The following TBC1D8 variants were observed in gnomAD, a reference collection of about 807,000 sequenced individuals.
TBC1D8 encodes the protein BUB2-like protein 1.
Under a neutral mutation model 118.8 loss-of-function variants are expected in TBC1D8, and 65 were observed. The ratio of observed to expected loss-of-function variants is 0.55; its 90% CI spans 0.45 to 0.67. The LOEUF is 0.67. Among genes scored for constraint, TBC1D8 ranks in the 30% least tolerant of loss-of-function variants. The probability of loss-of-function intolerance (pLI) is 0.00; values close to 1 mark genes in which losing one functional copy is unlikely to be tolerated. For synonymous variants in TBC1D8, 566 were observed against 595.8 expected, an observed-to-expected ratio of 0.95 and a Z score of 0.73; for missense variants, 1,376 against 1,471.2, an observed-to-expected ratio of 0.94 and a Z score of 1.06.
intron 9 of TBC1D8, among the ~76,000 whole-genome samples, chr2:101,034,646 C>T (rs1680891015): frequency 6.6e-6 from 1 of 152,278 alleles, no homozygotes; most frequent in African/African-American, 2.4e-5. Context: ...TGTGTGTGTG[C>T]ACGTGTGTGT....
At chr2:101,027,848 G>C (rs1353134213) in intron 14 of TBC1D8, among the ~76,000 whole-genome samples, 200 bp downstream of exon 14, 1 of 152,190 alleles carries the variant, frequency 6.6e-6, no homozygotes, top group Non-Finnish European at 1.5e-5. Flanking sequence ...GGGGAAACAG[G>C]CTCACAGTGT....
intron 10 of TBC1D8, chr2:101,032,761 A>C: frequency 5.8e-6 from 1 of 172,506 alleles, no homozygotes. Flanking sequence ...ACAGGAAACA[A>C]AGTTTGAAAT....
At chr2:101,150,635 C>A (rs1222819501) in intron 1 of TBC1D8, among the ~76,000 whole-genome samples, 1 of 152,232 alleles carries the variant, frequency 6.6e-6, no homozygotes, top group South Asian at 2.1e-4. Flanking sequence ...AGACAGTTCC[C>A]GCTCACCGCG....
chr2:101,101,739 C>T (rs773339044), intron 1 of TBC1D8, among the ~76,000 whole-genome samples: 4 of 152,120 alleles, frequency 2.6e-5, no homozygotes, highest in Non-Finnish European at 5.9e-5. Flanking sequence ...GAGATCATGT[C>T]CTTTGCAGGG....
rs1679162649 is a variant in TBC1D8 at position 101,010,922 on chromosome 2, T to A, written c.3015+7A>T. The A allele has an allele frequency of 6.2e-7, 1 of 1,606,664 alleles. No individual in the cohort carries two copies. The highest frequency in any genetic ancestry group is 1.3e-5 in the African/African-American group (1 of 74,870). ...AGTTAATTCTCTGCACTGAAGAAAG[T>A]CCATACCTGGCTCATTTTGGGCAAT... On this transcript the variant is annotated splice_region_variant and intron_variant, in intron 19 of 19. Coordinates refer to ENST00000409318, the MANE Select transcript of TBC1D8 (RefSeq NM_001330348.2).
chr2:101,062,021 A>G (rs937740110), intron 2 of TBC1D8, among the ~76,000 whole-genome samples: 1 of 152,148 alleles, frequency 6.6e-6, no homozygotes, highest in African/African-American at 2.4e-5. Flanking sequence ...TTAGGGGTAC[A>G]TCTGGTTTAC....
At chr2:101,022,237 C>A (rs1680072252) in intron 16 of TBC1D8, 44 bp downstream of exon 16, 1 of 1,611,776 alleles carries the variant, frequency 6.2e-7, no homozygotes, top group African/African-American at 1.3e-5. Flanking sequence ...GCTCACAGAC[C>A]CACACCCCAA....
At chr2:101,061,187 CAAA>C (rs397785120) in intron 2 of TBC1D8, among the ~76,000 whole-genome samples, 3 of 52,522 alleles carry the variant, frequency 5.7e-5, no homozygotes, top group Non-Finnish European at 1.0e-4. Context: ...GACTCTGTCT[CAAA>C]AAAAAAAAAA....
In TBC1D8 at chr2:101,034,957, A is replaced by G. The variant is rs112068194; in HGVS notation, c.1603+1061T>C. On this transcript the variant is annotated intron_variant, in intron 9 of 19. Coordinates refer to ENST00000409318, the MANE Select transcript of TBC1D8 (RefSeq NM_001330348.2). ...AGTGACCACTGACCACACCCAACAC[A>G]GTGAGTGTGCCAGGAAGCATGAAGG... Among the ~76,000 whole-genome samples the G allele has an allele frequency of 7.1e-4, 108 of 152,190 alleles. 2 individuals carry two copies. The highest frequency in any genetic ancestry group is 2.5e-3 in the African/African-American group (102 of 41,526).
At position 101,032,424 on chromosome 2, in the gene TBC1D8, A is replaced by G. The variant is rs781115334; in HGVS notation, c.1819-39T>C. On this transcript the variant is annotated intron_variant, in intron 10 of 19. Coordinates refer to ENST00000409318, the MANE Select transcript of TBC1D8 (RefSeq NM_001330348.2). ...AAGGAGGGCAGTTACTGACTGGCCCATGTGATGCCACAGAGATGTTACAAG... is the reference window on the plus strand; with the variant it reads ...AAGGAGGGCAGTTACTGACTGGCCCGTGTGATGCCACAGAGATGTTACAAG... 7.8e-6 allele frequency: 12 copies of G among 1,546,584 alleles called. No homozygotes were observed. The South Asian group carries it at 9.0e-5, about 12-fold the overall frequency.
chr2:101,028,618 T>G (rs768173412), intron 12 of TBC1D8, 186 bp from the exon 13 acceptor site: 73 of 791,620 alleles, frequency 9.2e-5, no homozygotes, highest in Admixed American at 9.1e-4. Context: ...GCTTGTGGAT[T>G]GGGCTCCACA....
intron 2 of TBC1D8, among the ~76,000 whole-genome samples, chr2:101,075,948 T>G (rs1309999755): frequency 6.6e-6 from 1 of 152,154 alleles, no homozygotes; most frequent in East Asian, 1.9e-4. Flanking sequence ...AAAATTTTCA[T>G]AATGAAATGC....
intron 1 of TBC1D8, among the ~76,000 whole-genome samples, chr2:101,148,532 G>C (rs943078572): frequency 2.6e-5 from 4 of 152,186 alleles, no homozygotes; most frequent in Admixed American, 2.0e-4. Context: ...AAGAGAGAGA[G>C]AGCATGTATA....
intron 1 of TBC1D8, among the ~76,000 whole-genome samples, chr2:101,129,763 G>A (rs1174508144): frequency 1.3e-5 from 2 of 151,908 alleles, no homozygotes; most frequent in African/African-American, 2.4e-5. Flanking sequence ...CAATTAGCTG[G>A]GCGTGGCAGC....
At chr2:101,026,500 G>A (rs1390624544) in intron 15 of TBC1D8, among the ~76,000 whole-genome samples, 6 of 152,156 alleles carry the variant, frequency 3.9e-5, no homozygotes, top group Admixed American at 6.6e-5. Context: ...CACTGACTGC[G>A]GGGAAAGGCC....
At position 101,151,114 on chromosome 2, in the gene TBC1D8, GC is replaced by G; in HGVS notation, c.127+12del. 3 of 1,046,120 alleles carry G rather than the reference GC, an allele frequency of 2.9e-6. No individual in the cohort carries two copies. The highest frequency in any genetic ancestry group is 3.5e-6 in the Non-Finnish European group (3 of 861,428). 64.8% of individuals were successfully genotyped at this position (1,046,120 alleles called of 1,614,324 possible). The stretch of plus-strand genomic sequence containing the variant: ...GGGCCCGGCCGCCGCGCCCGCCCCG[GC>G]GAGCCCCTTACCGGTGAGGCGGCCG... On this transcript the variant is annotated intron_variant, in intron 1 of 19. Transcript: ENST00000409318.
intron 1 of TBC1D8, among the ~76,000 whole-genome samples, chr2:101,091,272 C>G (rs1213826586): frequency 6.6e-6 from 1 of 151,936 alleles, no homozygotes; most frequent in East Asian, 1.9e-4. Flanking sequence ...GCAACAAGAG[C>G]GAAACTCCAT....
intron 7 of TBC1D8, 62 bp from the exon 8 acceptor site, chr2:101,037,770 C>T (rs75575921): frequency 5.6e-6 from 9 of 1,596,366 alleles, no homozygotes; most frequent in East Asian, 2.2e-5. Flanking sequence ...TGGCTTTAGT[C>T]GAGGGGACAG....
In TBC1D8 at chr2:101,117,451, T is replaced by A. The variant is rs960711078; in HGVS notation, c.128-27087A>T. Among the ~76,000 whole-genome samples the A allele has an allele frequency of 4.6e-5, 7 of 152,190 alleles. No homozygotes were observed. The East Asian group carries it at 9.6e-4, about 21-fold the overall frequency. Reference sequence around the variant, plus strand: ...ATTTCTATTTACTAGTCATTAACGTTGCTATTTACTTTACCTATTCCCCTG... The same window carrying A: ...ATTTCTATTTACTAGTCATTAACGTAGCTATTTACTTTACCTATTCCCCTG... On this transcript the variant is annotated intron_variant, in intron 1 of 19. Transcript: ENST00000409318.
Sources: allele counts gnomAD v4.1 joint callset (sites outside exome capture counted in the v4.1 genomes callset), GRCh38; gene constraint gnomAD v4.1.1; transcripts MANE v1.5; gene names NCBI Gene and HGNC (gene_info 2026-07-23, HGNC 2026-07-21).